The following KCNMB2 variants were observed in gnomAD, a reference collection of about 807,000 sequenced individuals.
KCNMB2 encodes the protein potassium calcium-activated channel subfamily M regulatory beta subunit 2.
A neutral mutation model predicts 24.5 loss-of-function variants in KCNMB2; 9 were observed. That is an observed-to-expected ratio of 0.37 (90% confidence interval 0.22 to 0.64). The LOEUF (loss-of-function observed/expected upper bound fraction) is 0.64. Among genes scored for constraint, KCNMB2 ranks in the 30% least tolerant of loss-of-function variants. The pLI, the probability that KCNMB2 is intolerant of heterozygous loss-of-function variation, is 0.63. For missense variants in KCNMB2, 226 were observed against 284.3 expected, an observed-to-expected ratio of 0.79 and a Z score of 1.47; for synonymous variants, 109 against 104.4, an observed-to-expected ratio of 1.04 and a Z score of -0.27.
At chr3:178,764,028 C>A (rs189691397) in intron 1 of KCNMB2, among the ~76,000 whole-genome samples, 1 of 152,232 alleles carries the variant, frequency 6.6e-6, no homozygotes, top group African/African-American at 2.4e-5. Flanking sequence ...CTCAAGATAA[C>A]TAAATGTTCA....
At chr3:178,622,213 A>T (rs1009049185) in intron 1 of KCNMB2, among the ~76,000 whole-genome samples, 1 of 152,182 alleles carries the variant, frequency 6.6e-6, no homozygotes, top group African/African-American at 2.4e-5. Flanking sequence ...TATCTGTAAG[A>T]GGTTGAGAAT....
At chr3:178,679,164 A>AT (rs1721181354) in intron 1 of KCNMB2, among the ~76,000 whole-genome samples, 1 of 152,118 alleles carries the variant, frequency 6.6e-6, no homozygotes, top group Non-Finnish European at 1.5e-5. Flanking sequence ...GTCTCCCAAA[A>AT]GATATACACT....
chr3:178,627,033 G>A (rs866669192), intron 1 of KCNMB2, among the ~76,000 whole-genome samples: 30 of 151,702 alleles, frequency 2.0e-4, no homozygotes, highest in Middle Eastern at 3.4e-3. Flanking sequence ...AAGGATAAAC[G>A]CCTGTCTCCT....
chr3:178,585,437 C>T lies in KCNMB2; in HGVS notation c.-68+48726C>T, dbSNP rs140553209. 7.1e-3 allele frequency among the ~76,000 whole-genome samples: 1,086 copies of T among 152,236 alleles called. 17 individuals are homozygous for T. Among genetic ancestry groups the T allele is most frequent in the African/African-American group, 0.025 (1,028 of 41,530 alleles). On this transcript the variant is annotated intron_variant, in intron 1 of 4. Transcript: ENST00000452583. The stretch of plus-strand genomic sequence containing the variant: ...AGAACTTCTTTTTCATGGTCCATAT[C>T]GTGGCCACAATGCATCAAAGGTAGG...
At chr3:178,572,955 A>G (rs1399016456) in intron 1 of KCNMB2, among the ~76,000 whole-genome samples, 1 of 152,232 alleles carries the variant, frequency 6.6e-6, no homozygotes, top group African/African-American at 2.4e-5. Flanking sequence ...TACAGTAAAT[A>G]TTGTAGTAGG....
chr3:178,687,655 A>G (rs1721515118), intron 1 of KCNMB2, among the ~76,000 whole-genome samples: 1 of 152,184 alleles, frequency 6.6e-6, no homozygotes, highest in Non-Finnish European at 1.5e-5. Context: ...CAGAACCTCA[A>G]TTTTTATTAT....
At chr3:178,601,850 G>T (rs1003133117) in intron 1 of KCNMB2, among the ~76,000 whole-genome samples, 3 of 152,154 alleles carry the variant, frequency 2.0e-5, no homozygotes, top group Non-Finnish European at 2.9e-5. Flanking sequence ...GGGCCACAAA[G>T]GAACAAAGGC....
At chr3:178,570,490 G>C (rs950091278) in intron 1 of KCNMB2, among the ~76,000 whole-genome samples, 1 of 142,864 alleles carries the variant, frequency 7.0e-6, no homozygotes, top group African/African-American at 2.6e-5. Flanking sequence ...AGTCCCTTCT[G>C]AACATTGACC....
chr3:178,668,341 T>C (rs1368130955), intron 1 of KCNMB2, among the ~76,000 whole-genome samples: 1 of 152,130 alleles, frequency 6.6e-6, no homozygotes, highest in African/African-American at 2.4e-5. Context: ...AGAAGTTTGC[T>C]GTGGCTTAAG....
intron 2 of KCNMB2, among the ~76,000 whole-genome samples, chr3:178,810,827 C>T (rs551288752): frequency 4.6e-5 from 7 of 152,040 alleles, no homozygotes; most frequent in African/African-American, 1.2e-4. Context: ...CTCCGCCTCC[C>T]GGGTTCACAC....
chr3:178,726,747 G>T (rs1722979448), intron 1 of KCNMB2, among the ~76,000 whole-genome samples: 1 of 151,928 alleles, frequency 6.6e-6, no homozygotes, highest in Non-Finnish European at 1.5e-5. Flanking sequence ...TTGCCCTGAA[G>T]ATTTCAAAGT....
chr3:178,693,778 C>G (rs1721767662), intron 1 of KCNMB2, among the ~76,000 whole-genome samples: 1 of 152,058 alleles, frequency 6.6e-6, no homozygotes, highest in Non-Finnish European at 1.5e-5. Context: ...TAGGGAGGAG[C>G]CCCTAGTCCT....
chr3:178,622,715 C>T (rs1018757502), intron 1 of KCNMB2, among the ~76,000 whole-genome samples: 12 of 152,158 alleles, frequency 7.9e-5, no homozygotes, highest in African/African-American at 2.9e-4. Flanking sequence ...AAGTAGCCTC[C>T]CCCATAGCAT....
chr3:178,566,368 G>T (rs536883407), intron 1 of KCNMB2, among the ~76,000 whole-genome samples: 1 of 152,106 alleles, frequency 6.6e-6, no homozygotes, highest in Admixed American at 6.5e-5. Context: ...AAAGTTCATT[G>T]GTCTCAGCAC....
At position 178,728,286 on chromosome 3, in the gene KCNMB2, T is replaced by C. The variant is rs146898500; in HGVS notation, c.-67-79057T>C. Among the ~76,000 whole-genome samples, 997 of 152,264 alleles carry C rather than the reference T, an allele frequency of 6.5e-3. 7 individuals are homozygous for C. The highest frequency in any genetic ancestry group is 9.8e-3 in the Non-Finnish European group (667 of 68,026). On this transcript the variant is annotated intron_variant, in intron 1 of 4. Transcript: ENST00000452583. The stretch of plus-strand genomic sequence containing the variant: ...TGGACCCTAACAGTATTCACATCTT[T>C]AGATCTAGCAGTCAGAGAACATTAA...
intron 1 of KCNMB2, among the ~76,000 whole-genome samples, chr3:178,642,614 T>C (rs1719766696): frequency 6.6e-6 from 1 of 152,374 alleles, no homozygotes; most frequent in South Asian, 2.1e-4. Flanking sequence ...CAGGTTTTTA[T>C]ACATAAAGTC....
intron 1 of KCNMB2, among the ~76,000 whole-genome samples, chr3:178,758,506 ATATATC>A (rs200825914): frequency 0.071 from 3,697 of 51,976 alleles, 590 homozygotes; most frequent in Middle Eastern, 0.26. Flanking sequence ...ATATATATAT[ATATATC>A]TCCAAGAGGA....
chr3:178,840,358 T>C (rs1253052694), intron 4 of KCNMB2, among the ~76,000 whole-genome samples: 1 of 152,160 alleles, frequency 6.6e-6, no homozygotes, highest in East Asian at 1.9e-4. Flanking sequence ...AGGCACACAG[T>C]GCAAGCTGTC....
At chr3:178,746,630 T>A (rs1723678787) in intron 1 of KCNMB2, among the ~76,000 whole-genome samples, 1 of 152,194 alleles carries the variant, frequency 6.6e-6, no homozygotes, top group African/African-American at 2.4e-5. Flanking sequence ...TATGCTCTGC[T>A]CCCTTTAAAA....
Sources: allele counts gnomAD v4.1 joint callset (sites outside exome capture counted in the v4.1 genomes callset), GRCh38; gene constraint gnomAD v4.1.1; transcripts MANE v1.5; gene names NCBI Gene and HGNC (gene_info 2026-07-23, HGNC 2026-07-21).